The following GPC6 variants were observed in gnomAD, a reference collection of about 807,000 sequenced individuals.
The protein encoded by GPC6 is glypican-6.
Under a neutral mutation model 55.2 loss-of-function variants are expected in GPC6, and 14 were observed. That is an observed-to-expected ratio of 0.25 (90% confidence interval 0.17 to 0.40). The LOEUF is 0.40. GPC6 is among the 10% of genes least tolerant of loss of function. The pLI is 1.00. For synonymous variants in GPC6, 278 were observed against 259.6 expected, an observed-to-expected ratio of 1.07 and a Z score of -0.68; for missense variants, 641 against 708.5, an observed-to-expected ratio of 0.90 and a Z score of 1.08.
intron 1 of GPC6, among the ~76,000 whole-genome samples, chr13:93,250,079 A>G (rs926496671): frequency 4.6e-5 from 7 of 152,110 alleles, no homozygotes; most frequent in African/African-American, 1.7e-4. Flanking sequence ...TGGCTCCTCT[A>G]CTTAGCCTTT....
At chr13:94,282,927 G>T (rs1286646906) in intron 4 of GPC6, among the ~76,000 whole-genome samples, 1 of 152,216 alleles carries the variant, frequency 6.6e-6, no homozygotes, top group African/African-American at 2.4e-5. Context: ...CGTGAAAAGA[G>T]TGTCGAAGAT....
Position 93,888,366 on chromosome 13 carries a change from A to G in GPC6, c.711+57821A>G, listed in dbSNP as rs565763105. ...GTAAGATATGCATAGCCTGATGGTC[A>G]TCGTTCATTCCTACAGATATGATGC... On this transcript the variant is annotated intron_variant, in intron 3 of 8. Coordinates refer to ENST00000377047, the MANE Select transcript of GPC6 (RefSeq NM_005708.5). Among the ~76,000 whole-genome samples the G allele has an allele frequency of 5.9e-5, 9 of 152,306 alleles. No homozygotes were observed. The South Asian group carries it at 1.9e-3, about 32-fold the overall frequency.
At chr13:94,149,421 C>T (rs575791827) in intron 4 of GPC6, among the ~76,000 whole-genome samples, 5 of 152,136 alleles carry the variant, frequency 3.3e-5, no homozygotes, top group Non-Finnish European at 7.4e-5. Flanking sequence ...AAAGCATTCT[C>T]TCAGTGTGAT....
chr13:93,752,273 C>T lies in GPC6; in HGVS notation c.320-77881C>T, dbSNP rs1340530227. Among the ~76,000 whole-genome samples, 5 of 151,932 alleles carry T rather than the reference C, an allele frequency of 3.3e-5. No individual in the cohort carries two copies. In the East Asian group the frequency reaches 5.8e-4, roughly 18 times the overall value. On this transcript the variant is annotated intron_variant, in intron 2 of 8. Coordinates refer to ENST00000377047, the MANE Select transcript of GPC6 (RefSeq NM_005708.5). ...TAGATGATGTTTCAGAGCTCATGTT[C>T]GTCTGCAATATGCACTTCCAGCAGT...
intron 3 of GPC6, among the ~76,000 whole-genome samples, chr13:93,995,161 C>CTATTTTTTATTT (rs1566639351): frequency 6.9e-6 from 1 of 144,298 alleles, no homozygotes; most frequent in African/African-American, 2.6e-5. Context: ...TGTACTTCAA[C>CTATTTTTTATTT]TATTTTATTT....
At chr13:94,145,419 A>G (rs1418446779) in intron 4 of GPC6, among the ~76,000 whole-genome samples, 1 of 152,178 alleles carries the variant, frequency 6.6e-6, no homozygotes, top group Non-Finnish European at 1.5e-5. Context: ...TTATTTTAGA[A>G]TAAGTAGGAA....
chr13:93,946,963 GA>G (rs1356912433), intron 3 of GPC6, among the ~76,000 whole-genome samples: 1 of 152,152 alleles, frequency 6.6e-6, no homozygotes, highest in Non-Finnish European at 1.5e-5. Context: ...GCACTCTCTA[GA>G]AATTTCTGAC....
intron 3 of GPC6, among the ~76,000 whole-genome samples, chr13:93,981,917 G>A (rs1214610030): frequency 6.6e-6 from 1 of 151,962 alleles, no homozygotes; most frequent in Admixed American, 6.6e-5. Flanking sequence ...TCATCCATGT[G>A]ACCCAATTTC....
intron 1 of GPC6, among the ~76,000 whole-genome samples, chr13:93,396,125 G>A (rs1367110028): frequency 6.6e-6 from 1 of 152,104 alleles, no homozygotes; most frequent in Non-Finnish European, 1.5e-5. Context: ...ACACACAATG[G>A]TAAAGGTCAT....
At chr13:94,188,448 A>G (rs950661920) in intron 4 of GPC6, among the ~76,000 whole-genome samples, 1 of 152,188 alleles carries the variant, frequency 6.6e-6, no homozygotes, top group East Asian at 1.9e-4. Flanking sequence ...GGATATCTCA[A>G]TAGAGTCAAT....
chr13:93,992,455 A>G (rs952496805), intron 3 of GPC6, among the ~76,000 whole-genome samples: 13 of 152,196 alleles, frequency 8.5e-5, no homozygotes, highest in Admixed American at 2.6e-4. Flanking sequence ...GGGCTTTTAT[A>G]TAACTTTACA....
rs564115106 is a variant in GPC6 at position 93,795,431 on chromosome 13, G to A, written c.320-34723G>A. Among the ~76,000 whole-genome samples the A allele has an allele frequency of 6.6e-5, 10 of 152,262 alleles. No homozygotes were observed. The South Asian group carries it at 1.9e-3, about 28-fold the overall frequency. ...TTTTGGAGAATGCAGCCCAGTTCCA[G>A]AGTCCCTCGTTTTCCTAGCCCTCAC... On this transcript the variant is annotated intron_variant, in intron 2 of 8. Coordinates refer to ENST00000377047, the MANE Select transcript of GPC6 (RefSeq NM_005708.5).
intron 2 of GPC6, among the ~76,000 whole-genome samples, chr13:93,576,828 G>T (rs1169506715): frequency 6.6e-6 from 1 of 152,056 alleles, no homozygotes. Context: ...TGTATATATT[G>T]CATTGTTGAG....
intron 1 of GPC6, among the ~76,000 whole-genome samples, chr13:93,489,211 C>T (rs1394123644): frequency 6.6e-6 from 1 of 151,494 alleles, no homozygotes; most frequent in Non-Finnish European, 1.5e-5. Flanking sequence ...TTCCCAGTGA[C>T]ATTTACTAAA....
intron 2 of GPC6, among the ~76,000 whole-genome samples, chr13:93,686,440 A>G (rs901910644): frequency 6.6e-6 from 1 of 152,062 alleles, no homozygotes; most frequent in African/African-American, 2.4e-5. Context: ...CTGTGATCCC[A>G]TTGGAAGGAT....
intron 2 of GPC6, among the ~76,000 whole-genome samples, chr13:93,684,725 T>C (rs1198651584): frequency 6.6e-6 from 1 of 152,112 alleles, no homozygotes; most frequent in Non-Finnish European, 1.5e-5. Flanking sequence ...TACATACATG[T>C]ATTTTAAGTA....
At chr13:93,640,301 G>A (rs1879858862) in intron 2 of GPC6, among the ~76,000 whole-genome samples, 1 of 151,938 alleles carries the variant, frequency 6.6e-6, no homozygotes, top group Admixed American at 6.6e-5. Flanking sequence ...AAGGACAATA[G>A]GAAAAATAAT....
chr13:93,571,125 A>T (rs1876384105), intron 2 of GPC6, among the ~76,000 whole-genome samples: 1 of 152,092 alleles, frequency 6.6e-6, no homozygotes, highest in South Asian at 2.1e-4. Flanking sequence ...GCGTTGCAGA[A>T]AGAAGTCCTG....
At chr13:94,253,073 G>T (rs549935880) in intron 4 of GPC6, among the ~76,000 whole-genome samples, 57 of 152,074 alleles carry the variant, frequency 3.7e-4, no homozygotes, top group Non-Finnish European at 7.2e-4. Context: ...TTCTGCAAAT[G>T]CTGGAAAAAC....
Sources: allele counts gnomAD v4.1 joint callset (sites outside exome capture counted in the v4.1 genomes callset), GRCh38; gene constraint gnomAD v4.1.1; transcripts MANE v1.5; gene names NCBI Gene and HGNC (gene_info 2026-07-23, HGNC 2026-07-21).